Variants in ADAM18 observed in about 807,000 individuals in gnomAD.
ADAM18 encodes disintegrin and metalloproteinase domain-containing protein 18.
ADAM18 carries 117 observed loss-of-function variants against 94.4 expected under a neutral mutation model. That is an observed-to-expected ratio of 1.24 (90% CI 1.07 to 1.45). ADAM18 has a LOEUF of 1.45. Among genes scored for constraint, ADAM18 ranks in the 40% most tolerant of loss-of-function variants. The probability of loss-of-function intolerance (pLI) is 0.00; values close to 1 mark genes in which losing one functional copy is unlikely to be tolerated. For synonymous variants in ADAM18, 327 were observed against 291.6 expected (o/e 1.12, Z -1.24); for missense variants, 936 against 880.0 (o/e 1.06, Z -0.81).
At chr8:39,649,382 A>G (rs910665263) in intron 12 of ADAM18, among the ~76,000 whole-genome samples, 7 of 148,992 alleles carry the variant, frequency 4.7e-5, no homozygotes, top group African/African-American at 1.0e-4. Flanking sequence ...ACATACATGT[A>G]TATATATATA....
chr8:39,591,422 C>CT (rs746718452), intron 2 of ADAM18, among the ~76,000 whole-genome samples: 10 of 152,124 alleles, frequency 6.6e-5, no homozygotes, highest in Admixed American at 4.6e-4. Flanking sequence ...TTTGTAAACT[C>CT]TTTTTTTGTA....
rs117923831 is a variant in ADAM18 at position 39,700,831 on chromosome 8, A to T, written c.1903-5959A>T. ...ATATTTTTAACTTTTTTCCCCACCA[A>T]CTATTGACCCATATAAGTTAAAATT... On this transcript the variant is annotated intron_variant, in intron 17 of 19. Coordinates refer to ENST00000265707, the MANE Select transcript of ADAM18 (RefSeq NM_014237.3). Among the ~76,000 whole-genome samples, 695 of 151,992 alleles carry T rather than the reference A, an allele frequency of 4.6e-3. 3 individuals are homozygous for T. Among genetic ancestry groups the T allele is most frequent in the Non-Finnish European group, 8.7e-3 (594 of 67,962 alleles).
intron 2 of ADAM18, among the ~76,000 whole-genome samples, chr8:39,598,315 C>T (rs985578673): frequency 1.3e-5 from 2 of 151,810 alleles, no homozygotes; most frequent in Non-Finnish European, 2.9e-5. Context: ...GCTATCTGTG[C>T]CTTGATCCTG....
At chr8:39,632,440 AT>A (rs1158636976) in intron 7 of ADAM18, among the ~76,000 whole-genome samples, 2 of 151,736 alleles carry the variant, frequency 1.3e-5, no homozygotes, top group Non-Finnish European at 2.9e-5. Context: ...TTTTCATCAA[AT>A]TTTTTTTCTG....
At chr8:39,708,031 G>A (rs1822289739) in intron 18 of ADAM18, among the ~76,000 whole-genome samples, 1 of 152,164 alleles carries the variant, frequency 6.6e-6, no homozygotes, top group African/African-American at 2.4e-5. Flanking sequence ...AGCATATACG[G>A]CATGTATTCG....
chr8:39,605,588 T>C (rs1426140949), intron 2 of ADAM18: 7 of 159,978 alleles, frequency 4.4e-5, no homozygotes, highest in East Asian at 3.7e-4. Flanking sequence ...CAGCCATGTC[T>C]AATTTATCTT....
chr8:39,644,032 C>T (rs1453628919), intron 10 of ADAM18, among the ~76,000 whole-genome samples: 1 of 151,756 alleles, frequency 6.6e-6, no homozygotes, highest in Non-Finnish European at 1.5e-5. Context: ...TTTCATATTG[C>T]CAATTCTGTG....
Position 39,609,499 on chromosome 8 carries a change from C to T in ADAM18, c.282C>T (p.Tyr94=), listed in dbSNP as rs1293216577. The T allele has an allele frequency of 3.1e-6, 5 of 1,610,920 alleles. No individual in the cohort carries two copies. The Admixed American group carries it at 5.0e-5, about 16-fold the overall frequency. Residue 94 remains tyrosine, a synonymous_variant, in exon 5 of 20, where the codon TAC becomes TAT. Transcript: ENST00000265707. ...VSPYFMMHCH[Y]QGYAAEFPNS... is the part of the protein sequence containing the mutation. ...CTGTTTTTCAGATGCATTGCCATTA[C>T]CAAGGATATGCTGCCGAATTTCCAA...
intron 7 of ADAM18, among the ~76,000 whole-genome samples, chr8:39,632,917 T>TC (rs1380079724): frequency 1.3e-5 from 2 of 152,186 alleles, no homozygotes; most frequent in African/African-American, 4.8e-5. Flanking sequence ...TGTGTCCCCT[T>TC]CATAATTCAT....
intron 16 of ADAM18, among the ~76,000 whole-genome samples, chr8:39,692,371 A>C (rs1380350711): frequency 1.3e-5 from 2 of 151,716 alleles, no homozygotes. Flanking sequence ...TAACCATGTC[A>C]GGGCAAATGC....
At chr8:39,673,828 G>T (rs1450071253) in intron 14 of ADAM18, among the ~76,000 whole-genome samples, 1 of 152,044 alleles carries the variant, frequency 6.6e-6, no homozygotes, top group Non-Finnish European at 1.5e-5. Flanking sequence ...TTTTATCTTT[G>T]TTCTCATTGG....
chr8:39,702,935 C>T (rs1822129078), intron 17 of ADAM18, among the ~76,000 whole-genome samples: 2 of 152,110 alleles, frequency 1.3e-5, no homozygotes, highest in Non-Finnish European at 1.5e-5. Flanking sequence ...CAGCTTTGTT[C>T]TTTTTGCATA....
intron 15 of ADAM18, among the ~76,000 whole-genome samples, chr8:39,678,243 C>G (rs1241498041): frequency 6.6e-6 from 1 of 152,038 alleles, no homozygotes; most frequent in Non-Finnish European, 1.5e-5. Context: ...GACTTATAGC[C>G]AGGAAAAACC....
Position 39,584,678 on chromosome 8 carries a change from G to GTT in ADAM18, c.55+2_55+3insTT. 2 of 1,613,022 alleles carry GTT rather than the reference G, an allele frequency of 1.2e-6. No individual in the cohort carries two copies. The highest frequency in any genetic ancestry group is 1.7e-6 in the Non-Finnish European group (2 of 1,180,004). On this transcript the variant is annotated splice_donor_variant, in intron 1 of 19. Transcript: ENST00000265707. LOFTEE classifies it high-confidence loss of function. ...CTTGGAAGACTGCAAGCCCACGAAG[G>GTT]TAAGTCCATGGGAGCCTCCCCTTTC... is the stretch of plus-strand genomic sequence containing the variant.
At chr8:39,674,436 A>T (rs760506119) in intron 14 of ADAM18, among the ~76,000 whole-genome samples, 1 of 152,038 alleles carries the variant, frequency 6.6e-6, no homozygotes, top group African/African-American at 2.4e-5. Context: ...AGATACTAGG[A>T]TTGCAACCCC....
In ADAM18 at chr8:39,730,003, A is replaced by G; in HGVS notation, c.*63A>G. The G allele has an allele frequency of 6.7e-7, 1 of 1,503,240 alleles. No individual in the cohort carries two copies. The highest frequency in any genetic ancestry group is 1.7e-5 in the Admixed American group (1 of 59,190). The allele number at this position is 1,503,240 out of a possible 1,614,324, so 93.1% of individuals were successfully genotyped here. On this transcript the variant is annotated 3_prime_UTR_variant, in exon 20 of 20. Coordinates refer to ENST00000265707, the MANE Select transcript of ADAM18 (RefSeq NM_014237.3). ...ACGAATGTGCTTTATTTATAACCTT[A>G]CGTTATCCCCAATGCATTGTAAATG...
At chr8:39,649,180 G>C (rs920083431) in intron 12 of ADAM18, among the ~76,000 whole-genome samples, 1 of 151,802 alleles carries the variant, frequency 6.6e-6, no homozygotes, top group Admixed American at 6.6e-5. Flanking sequence ...ACAGTTACAC[G>C]AATTCCTCCT....
In ADAM18 at chr8:39,614,819, G is replaced by C. The variant is rs542712372; in HGVS notation, c.522+4113G>C. Among the ~76,000 whole-genome samples the C allele has an allele frequency of 3.3e-5, 5 of 152,276 alleles. No homozygotes were observed. In the South Asian group the frequency reaches 1.0e-3, roughly 32 times the overall value. ...CACAGGGGTTGCTATTCTAATTTCAGATGGAATAAACTATAAACCAACAAC... is the reference window on the plus strand; with the variant it reads ...CACAGGGGTTGCTATTCTAATTTCACATGGAATAAACTATAAACCAACAAC... On this transcript the variant is annotated intron_variant, in intron 6 of 19. Coordinates refer to ENST00000265707, the MANE Select transcript of ADAM18 (RefSeq NM_014237.3).
intron 2 of ADAM18, among the ~76,000 whole-genome samples, chr8:39,598,455 G>A (rs959860167): frequency 1.3e-5 from 2 of 151,646 alleles, no homozygotes; most frequent in African/African-American, 2.4e-5. Context: ...AATTTTTATC[G>A]CCATCGTTAT....
Sources: gnomAD v4.1 joint callset for allele counts (sites outside exome capture counted in the v4.1 genomes callset) on GRCh38, gnomAD v4.1.1 for gene constraint, MANE v1.5 for transcripts, NCBI Gene and HGNC (gene_info 2026-07-23, HGNC 2026-07-21) for gene names.